The following SLC6A13 variants were observed in gnomAD, a reference collection of about 807,000 sequenced individuals.
The protein encoded by SLC6A13 is sodium- and chloride-dependent GABA transporter 2.
SLC6A13 carries 69 observed loss-of-function variants against 72.9 expected under a neutral mutation model. The ratio of observed to expected loss-of-function variants is 0.95; its 90% confidence interval spans 0.78 to 1.16. The LOEUF is 1.16. SLC6A13 is among the 50% of genes most tolerant of loss of function. The probability of loss-of-function intolerance (pLI) is 0.00; values close to 1 mark genes in which losing one functional copy is unlikely to be tolerated. For missense variants in SLC6A13, 735 were observed against 760.5 expected, an observed-to-expected ratio of 0.97 and a Z score of 0.39; for synonymous variants, 303 against 303.0, an observed-to-expected ratio of 1.00 and a Z score of 0.00.
intron 7 of SLC6A13, among the ~76,000 whole-genome samples, chr12:228,283 C>T (rs957817960): frequency 2.6e-5 from 4 of 152,190 alleles, no homozygotes; most frequent in Admixed American, 2.6e-4. Context: ...TCTCAGCTGG[C>T]TCGCCCAGCC....
At chr12:242,504 T>A (rs1591847814) in intron 4 of SLC6A13, 110 bp downstream of exon 4, 2 of 874,520 alleles carry the variant, frequency 2.3e-6, no homozygotes, top group Non-Finnish European at 3.4e-6. Flanking sequence ...CATGGTCGAC[T>A]TGGGTGATTT....
intron 2 of SLC6A13, among the ~76,000 whole-genome samples, chr12:249,004 A>C (rs1197701019): frequency 6.6e-6 from 1 of 152,244 alleles, no homozygotes. Context: ...CTATTTGGAA[A>C]TTAGGTAACA....
At chr12:222,410 A>G in intron 13 of SLC6A13, 122 bp downstream of exon 13, 3 of 585,208 alleles carry the variant, frequency 5.1e-6, no homozygotes, top group Non-Finnish European at 9.0e-6. Context: ...AGGATGAGTG[A>G]AAATCTAAGA....
Position 237,159 on chromosome 12 carries a change from T to C in SLC6A13, c.695A>G (p.Lys232Arg). 1 of 1,613,910 alleles carries C rather than the reference T, an allele frequency of 6.2e-7. No homozygotes were observed. ...GGGGCAGGAGCTCCCCACACGAACC[T>C]TGCCTGTGGACTTCACCCCCTTCCA... The part of the protein sequence containing the change: ...CIWKGVKSTG[K>R]VVYFTATFPY... The change falls in exon 6 of 15, where the codon AAG becomes AGG. Residue 232 changes from lysine (K) to arginine (R), a missense_variant and splice_region_variant. Coordinates refer to ENST00000343164, the MANE Select transcript of SLC6A13 (RefSeq NM_016615.5).
chr12:252,880 A>T (rs781644846), intron 2 of SLC6A13, among the ~76,000 whole-genome samples: 15 of 149,378 alleles, frequency 1.0e-4, no homozygotes, highest in Non-Finnish European at 2.1e-4. Context: ...GCTCCTTGGC[A>T]GCCTGCCAAG....
At chr12:256,411 C>T (rs560937998) in intron 2 of SLC6A13, 10 of 152,294 alleles carry the variant, frequency 6.6e-5, no homozygotes, top group African/African-American at 2.4e-4. Context: ...AGCTGCAGGT[C>T]CTGGACAGCA....
At chr12:251,591 A>ATT (rs1353105229) in intron 2 of SLC6A13, among the ~76,000 whole-genome samples, 1 of 152,158 alleles carries the variant, frequency 6.6e-6, no homozygotes, top group Non-Finnish European at 1.5e-5. Flanking sequence ...GGTTTATAAA[A>ATT]TAAATAATTT....
chr12:236,839 CT>C, intron 6 of SLC6A13: 2 of 207,606 alleles, frequency 9.6e-6, no homozygotes, highest in Non-Finnish European at 1.9e-5. Flanking sequence ...TCATGGAATT[CT>C]TTTTCCAAAG....
chr12:226,609 C>A (rs74962411), intron 8 of SLC6A13, 95 bp from the exon 9 acceptor site: 11 of 1,460,488 alleles, frequency 7.5e-6, no homozygotes, highest in South Asian at 1.4e-5. Flanking sequence ...CCCCTCCTGG[C>A]GGACACTGTC....
At chr12:261,600 A>T (rs747158255) in intron 1 of SLC6A13, among the ~76,000 whole-genome samples, 1 of 152,138 alleles carries the variant, frequency 6.6e-6, no homozygotes, top group Non-Finnish European at 1.5e-5. Flanking sequence ...CTGGCCACAG[A>T]CTCTACTTTG....
chr12:232,951 T>C (rs1280988283), intron 7 of SLC6A13, among the ~76,000 whole-genome samples: 1 of 152,198 alleles, frequency 6.6e-6, no homozygotes, highest in African/African-American at 2.4e-5. Context: ...TGCCCCTGTG[T>C]GCACAGAGCT....
At chr12:228,847 G>A (rs1941586380) in intron 7 of SLC6A13, among the ~76,000 whole-genome samples, 2 of 152,210 alleles carry the variant, frequency 1.3e-5, no homozygotes, top group South Asian at 4.1e-4. Context: ...CCCTAGGCCT[G>A]AAGGAGAACC....
chr12:231,075 C>G (rs1156924117), intron 7 of SLC6A13, among the ~76,000 whole-genome samples: 1 of 152,216 alleles, frequency 6.6e-6, no homozygotes, highest in Non-Finnish European at 1.5e-5. Flanking sequence ...TCCCATCCCC[C>G]GCCCTCAGCA....
chr12:221,138 C>CCAA, intron 14 of SLC6A13, 68 bp from the exon 15 acceptor site: 1 of 1,522,044 alleles, frequency 6.6e-7, no homozygotes, highest in South Asian at 1.3e-5. Flanking sequence ...TCCCTCATCA[C>CCAA]CAACATCTGC....
At chr12:236,317 G>A (rs529652528) in intron 6 of SLC6A13, among the ~76,000 whole-genome samples, 16 of 152,264 alleles carry the variant, frequency 1.1e-4, no homozygotes, top group East Asian at 1.9e-4. Context: ...GGTGGGCATC[G>A]TGGCCCTACC....
At chr12:235,904 A>G (rs1439859572) in intron 6 of SLC6A13, among the ~76,000 whole-genome samples, 1 of 152,186 alleles carries the variant, frequency 6.6e-6, no homozygotes, top group Non-Finnish European at 1.5e-5. Context: ...TGCAGTTGAG[A>G]TAAGGACTGA....
chr12:223,825 G>T, intron 11 of SLC6A13, 167 bp downstream of exon 11: 2 of 712,944 alleles, frequency 2.8e-6, no homozygotes, highest in South Asian at 1.8e-5. Flanking sequence ...CCAGAGGAGG[G>T]ACCTGCCTAC....
intron 7 of SLC6A13, among the ~76,000 whole-genome samples, chr12:234,468 T>G (rs567197108): frequency 6.6e-6 from 1 of 152,284 alleles, no homozygotes; most frequent in Non-Finnish European, 1.5e-5. Context: ...CCATTCTTCA[T>G]TCCTTTATTT....
chr12:244,310 C>T (rs982096931), intron 2 of SLC6A13, among the ~76,000 whole-genome samples: 21 of 152,188 alleles, frequency 1.4e-4, no homozygotes, highest in Admixed American at 1.2e-3. Context: ...AGTGTTGGGA[C>T]GTGGAGCCTA....
Sources: gnomAD v4.1 joint callset for allele counts (sites outside exome capture counted in the v4.1 genomes callset) on GRCh38, gnomAD v4.1.1 for gene constraint, MANE v1.5 for transcripts, NCBI Gene and HGNC (gene_info 2026-07-23, HGNC 2026-07-21) for gene names.